Variants in EYS observed in about 807,000 individuals in gnomAD.
EYS encodes the protein protein eyes shut homolog.
EYS carries 250 observed loss-of-function variants against 282.1 expected under a neutral mutation model. That is an observed-to-expected ratio of 0.89 (90% CI 0.80 to 0.98). The LOEUF (loss-of-function observed/expected upper bound fraction) is 0.98, where lower values mean the gene tolerates loss of function less well. Among genes scored for constraint, EYS ranks in the 50% least tolerant of loss-of-function variants. The pLI is 0.00. For missense variants in EYS, 4,016 were observed against 3,709.0 expected (o/e 1.08, Z -2.15); for synonymous variants, 1,355 against 1,282.9 (o/e 1.06, Z -1.20).
intron 11 of EYS, chr6:65,331,711 A>G: frequency 1.0e-6 from 1 of 981,790 alleles, no homozygotes; most frequent in Non-Finnish European, 1.2e-6. Context: ...AAAGCTTCTG[A>G]AAATCATTGT....
intron 14 of EYS, among the ~76,000 whole-genome samples, chr6:64,973,969 ATAACT>A (rs1022681486): frequency 1.1e-4 from 16 of 152,046 alleles, no homozygotes; most frequent in Middle Eastern, 3.4e-3. Flanking sequence ...GAAGTTTTAA[ATAACT>A]TAAATAAATT....
At chr6:64,070,090 A>G (rs1390066879) in intron 32 of EYS, among the ~76,000 whole-genome samples, 1 of 152,090 alleles carries the variant, frequency 6.6e-6, no homozygotes, top group Non-Finnish European at 1.5e-5. Context: ...TTATGGGAAG[A>G]GGAGGAACAT....
At position 65,353,554 on chromosome 6, in the gene EYS, G is replaced by T. The variant is rs753381258; in HGVS notation, c.1363C>A (p.His455Asn). ...CWFLKNVYLI[H>N]QHLCYCGVTF... ...ACTCCACAGTAGCAGAGGTGTTGAT[G>T]AATTAGGTAAACATTCTTCAAAAAC... Residue 455 changes from histidine (H) to asparagine (N), a missense_variant, in exon 9 of 43, where the codon CAT (histidine) becomes AAT (asparagine). Transcript: ENST00000503581. The T allele has an allele frequency of 1.2e-6, 2 of 1,612,896 alleles. No homozygotes were observed. Among genetic ancestry groups the T allele is most frequent in the East Asian group, 4.5e-5 (2 of 44,704 alleles).
At chr6:65,176,037 T>A (rs937255727) in intron 12 of EYS, among the ~76,000 whole-genome samples, 1 of 151,518 alleles carries the variant, frequency 6.6e-6, no homozygotes, top group African/African-American at 2.4e-5. Flanking sequence ...ATCAAGATAA[T>A]TAACATTCTT....
chr6:65,340,054 A>AGATT (rs1770140755), intron 10 of EYS, among the ~76,000 whole-genome samples: 1 of 151,136 alleles, frequency 6.6e-6, no homozygotes, highest in Non-Finnish European at 1.5e-5. Flanking sequence ...AAAAGGGAAC[A>AGATT]GATTTTAAAA....
At chr6:65,479,422 A>T (rs1162683135) in intron 5 of EYS, among the ~76,000 whole-genome samples, 2 of 152,242 alleles carry the variant, frequency 1.3e-5, no homozygotes, top group African/African-American at 4.8e-5. Flanking sequence ...GATTTGTTTT[A>T]TAGAACCTCA....
intron 28 of EYS, among the ~76,000 whole-genome samples, chr6:64,408,636 A>G (rs1395329538): frequency 2.6e-5 from 4 of 152,338 alleles, no homozygotes; most frequent in East Asian, 1.9e-4. Flanking sequence ...GAGAAAAAAT[A>G]CAATATAGAA....
chr6:65,509,285 T>C (rs1368386084), intron 2 of EYS, among the ~76,000 whole-genome samples: 2 of 152,168 alleles, frequency 1.3e-5, no homozygotes, highest in Admixed American at 6.5e-5. Context: ...AGATGGTTGG[T>C]GTAGAATTCT....
intron 2 of EYS, among the ~76,000 whole-genome samples, chr6:65,628,083 G>C (rs551078819): frequency 2.6e-5 from 4 of 152,330 alleles, no homozygotes; most frequent in African/African-American, 9.6e-5. Context: ...CGTGTGTCTA[G>C]CTCAAGGTTT....
chr6:65,153,363 ATGTGTGTGTGTGTGTGTG>A (rs67661407), intron 12 of EYS, among the ~76,000 whole-genome samples: 42 of 135,858 alleles, frequency 3.1e-4, no homozygotes, highest in East Asian at 2.8e-3. Flanking sequence ...GAGATCATAA[ATGTGTGTGTGTGTGTGTG>A]TGTGTGTGTG....
chr6:65,367,232 A>G (rs1356291251), intron 8 of EYS, among the ~76,000 whole-genome samples: 1 of 151,642 alleles, frequency 6.6e-6, no homozygotes, highest in African/African-American at 2.4e-5. Flanking sequence ...GCTTTACCAT[A>G]TGTACAGATA....
intron 31 of EYS, among the ~76,000 whole-genome samples, chr6:64,171,491 A>G (rs561059518): frequency 5.9e-5 from 9 of 152,010 alleles, no homozygotes; most frequent in African/African-American, 2.2e-4. Flanking sequence ...TACATAAAAA[A>G]TCAAACCTAG....
At chr6:64,769,877 A>C (rs187104019) in intron 22 of EYS, among the ~76,000 whole-genome samples, 14 of 152,150 alleles carry the variant, frequency 9.2e-5, no homozygotes, top group Admixed American at 8.5e-4. Context: ...AAGAAGAGCT[A>C]AAGTGATTTT....
intron 31 of EYS, among the ~76,000 whole-genome samples, chr6:64,194,242 T>C (rs1562247331): frequency 6.6e-6 from 1 of 152,088 alleles, no homozygotes; most frequent in Admixed American, 6.6e-5. Flanking sequence ...ACATACCTTG[T>C]TCTTTATATT....
intron 2 of EYS, among the ~76,000 whole-genome samples, chr6:65,630,568 T>C (rs1025739328): frequency 1.3e-5 from 2 of 152,228 alleles, no homozygotes; most frequent in South Asian, 2.1e-4. Flanking sequence ...CCGGTATATG[T>C]GAAAGTCTCA....
chr6:63,758,761 C>G (rs1205372273), intron 41 of EYS, among the ~76,000 whole-genome samples: 1 of 152,072 alleles, frequency 6.6e-6, no homozygotes, highest in Non-Finnish European at 1.5e-5. Context: ...GTATCTTCCA[C>G]TATGGTCATG....
chr6:65,353,379 G>A (rs1764358599), intron 9 of EYS, 79 bp downstream of exon 9: 4 of 1,192,504 alleles, frequency 3.4e-6, no homozygotes, highest in South Asian at 1.3e-5. Context: ...AATACTTTGT[G>A]TGTTTAGAAA....
intron 35 of EYS, among the ~76,000 whole-genome samples, chr6:63,871,806 C>T (rs1431896734): frequency 6.6e-6 from 1 of 152,138 alleles, no homozygotes; most frequent in African/African-American, 2.4e-5. Flanking sequence ...GTAGAGGGCA[C>T]TTGGGACACT....
chr6:65,207,733 G>A (rs1027275852), intron 12 of EYS, among the ~76,000 whole-genome samples: 2 of 151,690 alleles, frequency 1.3e-5, no homozygotes, highest in Admixed American at 6.6e-5. Context: ...CATACCTACA[G>A]CAAACTGATC....
Sources: gnomAD v4.1 joint callset for allele counts (sites outside exome capture counted in the v4.1 genomes callset) on GRCh38, gnomAD v4.1.1 for gene constraint, MANE v1.5 for transcripts, NCBI Gene and HGNC (gene_info 2026-07-23, HGNC 2026-07-21) for gene names.